The following PLCL2 variants were observed in gnomAD, a reference collection of about 807,000 sequenced individuals.
PLCL2 encodes inactive phospholipase C-like protein 2.
PLCL2 carries 4 observed loss-of-function variants against 79.6 expected under a neutral mutation model. The ratio of observed to expected loss-of-function variants is 0.05; its 90% CI spans 0.02 to 0.11. The LOEUF is 0.11. Among genes scored for constraint, PLCL2 ranks in the 10% least tolerant of loss-of-function variants. The pLI is 1.00. For synonymous variants in PLCL2, 484 were observed against 457.7 expected (o/e 1.06, Z -0.73); for missense variants, 895 against 1,291.0 (o/e 0.69, Z 4.70).
In PLCL2 at chr3:16,907,114, T is replaced by A. The variant is rs570899133; in HGVS notation, c.327+21748T>A. Among the ~76,000 whole-genome samples, 22 of 152,332 alleles carry A rather than the reference T, an allele frequency of 1.4e-4. No individual in the cohort carries two copies. In the South Asian group the frequency reaches 4.4e-3, roughly 30 times the overall value. ...AGTGTCTTATCATCCTCCTTTCTAC[T>A]TATATATTTAATTTAAGCCCTGTTT... On this transcript the variant is annotated intron_variant, in intron 1 of 5. Transcript: ENST00000615277.
rs17043029 is a variant in PLCL2 at position 17,035,371 on chromosome 3, A to C, written c.3019-7503A>C. On this transcript the variant is annotated intron_variant, in intron 3 of 5. Coordinates refer to ENST00000615277, the MANE Select transcript of PLCL2 (RefSeq NM_001144382.2). ...TAACATGTTTAGTTGTAAACCGTAAAGCACTCTATAATTGTAAGGTGTGTT... is the reference window on the plus strand; with the variant it reads ...TAACATGTTTAGTTGTAAACCGTAACGCACTCTATAATTGTAAGGTGTGTT... 5.0e-3 allele frequency among the ~76,000 whole-genome samples: 760 copies of C among 152,250 alleles called. 6 individuals carry two copies. The highest frequency in any genetic ancestry group is 0.017 in the African/African-American group (696 of 41,542).
intron 3 of PLCL2, among the ~76,000 whole-genome samples, chr3:17,030,180 A>T (rs1398941183): frequency 6.6e-6 from 1 of 151,602 alleles, no homozygotes; most frequent in Non-Finnish European, 1.5e-5. Flanking sequence ...TCCAACCTCA[A>T]CCTCCTAAAG....
chr3:17,044,397 T>G (rs1393883681), intron 4 of PLCL2, among the ~76,000 whole-genome samples: 1 of 152,228 alleles, frequency 6.6e-6, no homozygotes, highest in Non-Finnish European at 1.5e-5. Flanking sequence ...CTTTTTCAAT[T>G]ATCTCAACAG....
chr3:16,933,665 A>G (rs1697465791), intron 1 of PLCL2, among the ~76,000 whole-genome samples: 1 of 151,860 alleles, frequency 6.6e-6, no homozygotes, highest in African/African-American at 2.4e-5. Context: ...GATGTTTTCC[A>G]AGTAAATGTT....
chr3:17,086,101 T>A (rs2065217358), intron 5 of PLCL2, among the ~76,000 whole-genome samples: 1 of 152,052 alleles, frequency 6.6e-6, no homozygotes, highest in South Asian at 2.1e-4. Context: ...TTCCAAAGTT[T>A]AAAGAGAGAA....
intron 4 of PLCL2, among the ~76,000 whole-genome samples, chr3:17,050,057 G>C (rs1478435485): frequency 6.6e-6 from 1 of 152,102 alleles, no homozygotes; most frequent in African/African-American, 2.4e-5. Flanking sequence ...ATTTTGACAA[G>C]GGTGTCAAGA....
intron 4 of PLCL2, among the ~76,000 whole-genome samples, chr3:17,059,366 G>A (rs1182700788): frequency 3.8e-5 from 5 of 132,594 alleles, no homozygotes; most frequent in Admixed American, 7.8e-5. Flanking sequence ...GTGACAGAGC[G>A]AGAATCTGTC....
intron 1 of PLCL2, among the ~76,000 whole-genome samples, chr3:16,945,261 CAT>C (rs1473714292): frequency 2.8e-5 from 4 of 143,246 alleles, no homozygotes; most frequent in Non-Finnish European, 6.4e-5. Context: ...CACACACACA[CAT>C]ACACACACAT....
chr3:17,090,414 G>A lies in PLCL2; in HGVS notation c.*502G>A, dbSNP rs8895. 2,089 of 246,956 alleles carry A rather than the reference G, an allele frequency of 8.5e-3. 50 individuals carry two copies. The highest frequency in any genetic ancestry group is 0.046 in the African/African-American group (1,999 of 43,230). 15.3% of individuals were successfully genotyped at this position (246,956 alleles called of 1,614,324 possible). ...AAGTGGACGGGTTCCCTGAATCCCC[G>A]GGGTCCTTGGAGAGCCATCGAGGAG... On this transcript the variant is annotated 3_prime_UTR_variant, in exon 6 of 6. Transcript: ENST00000615277.
chr3:16,917,665 CCCCA>C (rs1481731073), intron 1 of PLCL2, among the ~76,000 whole-genome samples: 1 of 152,172 alleles, frequency 6.6e-6, no homozygotes, highest in Non-Finnish European at 1.5e-5. Context: ...GTTGGATGTT[CCCCA>C]GAGTAAGCCT....
chr3:16,970,052 A>T (rs1338243458), intron 1 of PLCL2, among the ~76,000 whole-genome samples: 1 of 138,450 alleles, frequency 7.2e-6, no homozygotes, highest in African/African-American at 2.6e-5. Flanking sequence ...ATATATATAT[A>T]TATATATTTT....
At chr3:17,032,353 A>G (rs955981017) in intron 3 of PLCL2, among the ~76,000 whole-genome samples, 2 of 152,288 alleles carry the variant, frequency 1.3e-5, no homozygotes, top group African/African-American at 4.8e-5. Context: ...TGGCTCACTC[A>G]CTTGTCTGCA....
chr3:16,889,631 A>G (rs1490683617), intron 1 of PLCL2, among the ~76,000 whole-genome samples: 2 of 152,212 alleles, frequency 1.3e-5, no homozygotes, highest in East Asian at 1.9e-4. Flanking sequence ...TTATACTACT[A>G]TGTTCACCTA....
At chr3:16,934,755 A>G (rs1697498608) in intron 1 of PLCL2, among the ~76,000 whole-genome samples, 1 of 152,212 alleles carries the variant, frequency 6.6e-6, no homozygotes, top group African/African-American at 2.4e-5. Context: ...ACTAGGAAGA[A>G]GTAGACACAG....
chr3:17,026,336 T>TAA (rs1382671856), intron 3 of PLCL2, among the ~76,000 whole-genome samples: 1 of 152,204 alleles, frequency 6.6e-6, no homozygotes, highest in African/African-American at 2.4e-5. Context: ...TTAAGGAGTT[T>TAA]AAAACATTTG....
intron 1 of PLCL2, among the ~76,000 whole-genome samples, chr3:16,891,287 C>T (rs1201481538): frequency 6.6e-6 from 1 of 152,170 alleles, no homozygotes; most frequent in Admixed American, 6.5e-5. Context: ...TAGAATAAAA[C>T]CTCCTCTCAT....
rs1317790573 is a variant in PLCL2 at position 16,885,204 on chromosome 3, C to T, written c.165C>T (p.Ser55=). Residue 55 remains serine (S), a synonymous_variant, in exon 1 of 6, where the codon TCC becomes TCT. Transcript: ENST00000615277. ...CGCGCTATGACAGCGGCGGGGTTTC[C>T]AACGGAGACTGCAGCCTCGGCGTGT... ...GRARYDSGGV[S]NGDCSLGVSG... 1 of 633,646 alleles carries T rather than the reference C, an allele frequency of 1.6e-6. No homozygotes were observed. The highest frequency in any genetic ancestry group is 2.9e-6 in the Non-Finnish European group (1 of 350,520). The allele number at this position is 633,646 out of a possible 1,614,324, so 39.3% of individuals were successfully genotyped here.
intron 1 of PLCL2, among the ~76,000 whole-genome samples, chr3:16,964,879 C>T (rs1328192877): frequency 6.6e-6 from 1 of 151,900 alleles, no homozygotes; most frequent in African/African-American, 2.4e-5. Context: ...TTGTTTTTTT[C>T]TTGTAAATTT....
chr3:16,937,541 G>A (rs973891116), intron 1 of PLCL2, among the ~76,000 whole-genome samples: 2 of 152,162 alleles, frequency 1.3e-5, no homozygotes, highest in South Asian at 2.1e-4. Context: ...TAAAATATCC[G>A]CCTGCCCTTC....
Sources: gnomAD v4.1 joint callset for allele counts (sites outside exome capture counted in the v4.1 genomes callset) on GRCh38, gnomAD v4.1.1 for gene constraint, MANE v1.5 for transcripts, NCBI Gene and HGNC (gene_info 2026-07-23, HGNC 2026-07-21) for gene names.